The following FBXL3 variants were observed in gnomAD, a reference collection of about 807,000 sequenced individuals.
The protein encoded by FBXL3 is F-box and leucine rich repeat protein 3.
FBXL3 carries 14 observed loss-of-function variants against 37.9 expected under a neutral mutation model. The observed-to-expected ratio is 0.37, with a 90% CI of 0.24 to 0.58. The LOEUF (loss-of-function observed/expected upper bound fraction) is 0.58, where lower values mean the gene tolerates loss of function less well. Among genes scored for constraint, FBXL3 ranks in the 20% least tolerant of loss-of-function variants. FBXL3 has a pLI of 0.74. For missense variants in FBXL3, 327 were observed against 511.1 expected (o/e 0.64, Z 3.47); for synonymous variants, 194 against 180.1 (o/e 1.08, Z -0.62).
At chr13:77,020,675 A>AT (rs1196488931) in intron 2 of FBXL3, among the ~76,000 whole-genome samples, 13 of 151,638 alleles carry the variant, frequency 8.6e-5, no homozygotes, top group African/African-American at 3.2e-4. Flanking sequence ...ACATGTCCAT[A>AT]TTTCATTATT....
At chr13:77,021,922 A>G (rs1488634139) in intron 1 of FBXL3, 61 bp from the exon 2 acceptor site, 8 of 1,336,938 alleles carry the variant, frequency 6.0e-6, no homozygotes, top group Non-Finnish European at 7.2e-6. Context: ...ATAAACTCAA[A>G]ATTCATTCTT....
intron 2 of FBXL3, among the ~76,000 whole-genome samples, chr13:77,020,380 A>G (rs9573983): frequency 0.052 from 7,877 of 152,286 alleles, 360 homozygotes; most frequent in East Asian, 0.19. Flanking sequence ...AAAAAAAGGC[A>G]AAAACATATC....
intron 3 of FBXL3, 102 bp from the exon 4 acceptor site, chr13:77,015,682 T>C: frequency 1.4e-6 from 1 of 727,026 alleles, no homozygotes; most frequent in Non-Finnish European, 2.0e-6. Flanking sequence ...AATGACATAT[T>C]AATATTTTGT....
intron 1 of FBXL3, chr13:77,026,370 C>T (rs1037514137): frequency 1.0e-6 from 1 of 985,382 alleles, no homozygotes; most frequent in African/African-American, 1.7e-5. Context: ...CCTGACATTT[C>T]TCATGCGCCC....
At chr13:77,024,845 G>A (rs987135184) in intron 1 of FBXL3, among the ~76,000 whole-genome samples, 3 of 152,044 alleles carry the variant, frequency 2.0e-5, no homozygotes, top group African/African-American at 4.8e-5. Context: ...TACAATTATA[G>A]TGCATTAAGC....
At chr13:77,016,044 T>C (rs1359400374) in intron 3 of FBXL3, 1 of 152,150 alleles carries the variant, frequency 6.6e-6, no homozygotes, top group Non-Finnish European at 1.5e-5. Context: ...ACAGACTCAT[T>C]TGAGATATGA....
chr13:77,015,560 C>A lies in FBXL3; in HGVS notation c.492G>T (p.Leu164=). 1 of 1,582,474 alleles carries A rather than the reference C, an allele frequency of 6.3e-7. No individual in the cohort carries two copies. The highest frequency in any genetic ancestry group is 1.2e-5 in the South Asian group (1 of 84,462). ...ATTTGGAGTTTACGAACACAACTGT[C>A]AGTGCAGAGATAAAGTGAGACTGAA... ...DLPKSHFISA[L]TVVFVNSKSL... is the part of the protein sequence containing the mutation. Residue 164 remains leucine, a synonymous_variant, in exon 4 of 5, where the codon CTG becomes CTT. Coordinates refer to ENST00000355619, the MANE Select transcript of FBXL3 (RefSeq NM_012158.4).
intron 1 of FBXL3, chr13:77,026,471 C>G (rs1593939583): frequency 1.5e-6 from 1 of 676,658 alleles, no homozygotes. Flanking sequence ...CCACAGAGTG[C>G]GAGCTCCATG....
At chr13:77,026,278 A>T in intron 1 of FBXL3, 3 of 985,408 alleles carry the variant, frequency 3.0e-6, no homozygotes, top group Non-Finnish European at 3.6e-6. Context: ...TCCGCTCAAC[A>T]CAAGTTGACC....
In FBXL3 at chr13:77,005,970, TATAAA is replaced by T. The variant is rs760174938; in HGVS notation, c.*1170_*1174del. 1.6e-4 allele frequency: 24 copies of T among 152,674 alleles called. No homozygotes were observed. The highest frequency in any genetic ancestry group is 6.5e-4 in the Admixed American group (10 of 15,296). 9.5% of individuals were successfully genotyped at this position (152,674 alleles called of 1,614,324 possible). On this transcript the variant is annotated 3_prime_UTR_variant, in exon 5 of 5. Coordinates refer to ENST00000355619, the MANE Select transcript of FBXL3 (RefSeq NM_012158.4). ...ATAAAATGTTACCTAACTTAAATAATATAAAATATCGGTTTAACCAAATTAACAAT... is the reference window on the plus strand; with the variant it reads ...ATAAAATGTTACCTAACTTAAATAATATATCGGTTTAACCAAATTAACAAT...
At chr13:77,010,691 G>A (rs1488493766) in intron 4 of FBXL3, 3 of 152,220 alleles carry the variant, frequency 2.0e-5, no homozygotes, top group Non-Finnish European at 4.4e-5. Flanking sequence ...TAAGGAAACT[G>A]GATGTCAGTC....
chr13:77,024,052 G>C (rs1363766117), intron 1 of FBXL3, among the ~76,000 whole-genome samples: 1 of 152,194 alleles, frequency 6.6e-6, no homozygotes, highest in Admixed American at 6.5e-5. Context: ...AGAGAAAATA[G>C]AATGACAGAG....
At position 77,015,452 on chromosome 13, in the gene FBXL3, G is replaced by C. The variant is rs376976717; in HGVS notation, c.600C>G (p.Leu200=). Residue 200 remains leucine, a synonymous_variant, in exon 4 of 5, where the codon CTC becomes CTG. Transcript: ENST00000355619. ...KVLVANNSDT[L]KLLKMSSCPH... is the part of the protein sequence containing the mutation. ...GACAGCTGCTCATTTTCAACAGCTTGAGTGTATCACTATTGTTGGCCACTA... is the reference window on the plus strand; with the variant it reads ...GACAGCTGCTCATTTTCAACAGCTTCAGTGTATCACTATTGTTGGCCACTA... 5 of 1,603,446 alleles carry C rather than the reference G, an allele frequency of 3.1e-6. No individual in the cohort carries two copies. In the South Asian group the frequency reaches 4.5e-5, roughly 14 times the overall value.
chr13:77,016,984 C>A (rs1307582662), intron 3 of FBXL3: 3 of 152,096 alleles, frequency 2.0e-5, no homozygotes, highest in Non-Finnish European at 4.4e-5. Context: ...ATATCTTGTA[C>A]AAACATATTT....
At chr13:77,012,642 A>G (rs1053402560) in intron 4 of FBXL3, among the ~76,000 whole-genome samples, 1 of 152,242 alleles carries the variant, frequency 6.6e-6, no homozygotes, top group Non-Finnish European at 1.5e-5. Flanking sequence ...TTCAGTGAGG[A>G]AAGTAGAATA....
At chr13:77,012,324 AT>A (rs2034569251) in intron 4 of FBXL3, among the ~76,000 whole-genome samples, 2 of 146,650 alleles carry the variant, frequency 1.4e-5, no homozygotes, top group South Asian at 4.4e-4. Context: ...GAAAAAAAAA[AT>A]ATGGCAAAAA....
At chr13:77,010,872 A>T (rs1391047058) in intron 4 of FBXL3, 2 of 152,258 alleles carry the variant, frequency 1.3e-5, no homozygotes, top group Non-Finnish European at 2.9e-5. Flanking sequence ...AATGTACAGA[A>T]CAGTGGAGCA....
At chr13:77,014,630 G>A (rs1047974734) in intron 4 of FBXL3, 6 of 152,200 alleles carry the variant, frequency 3.9e-5, no homozygotes, top group African/African-American at 1.4e-4. Flanking sequence ...GCAATGGCAA[G>A]AAGGTTGGAA....
intron 3 of FBXL3, chr13:77,017,658 T>C (rs1007503003): frequency 1.3e-5 from 2 of 152,204 alleles, no homozygotes; most frequent in East Asian, 3.8e-4. Context: ...CAGATTCTCC[T>C]GCCCATTTCC....
Sources: allele counts gnomAD v4.1 joint callset (sites outside exome capture counted in the v4.1 genomes callset), GRCh38; gene constraint gnomAD v4.1.1; transcripts MANE v1.5; gene names NCBI Gene and HGNC (gene_info 2026-07-23, HGNC 2026-07-21).